LIN28A: variants seen among roughly 807,000 people sequenced by gnomAD.
The protein encoded by LIN28A is protein lin-28 homolog A.
In LIN28A, 11 loss-of-function variants were observed where a neutral mutation model predicts 21.1. The observed-to-expected ratio is 0.52, with a 90% CI of 0.33 to 0.86. The LOEUF (loss-of-function observed/expected upper bound fraction) is 0.86. LIN28A is among the 40% of genes least tolerant of loss of function. The probability of loss-of-function intolerance (pLI) is 0.03; values close to 1 mark genes in which losing one functional copy is unlikely to be tolerated. For synonymous variants in LIN28A, 111 were observed against 108.7 expected (o/e 1.02, Z -0.13); for missense variants, 219 against 279.8 (o/e 0.78, Z 1.55).
Position 26,426,592 on chromosome 1 carries a change from C to A in LIN28A, c.*134C>A. The A allele has an allele frequency of 1.5e-6, 1 of 680,510 alleles. No individual in the cohort carries two copies. Among genetic ancestry groups the A allele is most frequent in the Non-Finnish European group, 2.6e-6 (1 of 383,916 alleles). The allele number at this position is 680,510 out of a possible 1,614,324, so 42.2% of individuals were successfully genotyped here. ...TCTCAGGCTTGGGTTCACACCATCA[C>A]CCTTTCTTCCCTCTAGGTGGGGGGA... On this transcript the variant is annotated 3_prime_UTR_variant, in exon 4 of 4. Coordinates refer to ENST00000326279, the MANE Select transcript of LIN28A (RefSeq NM_024674.6).
chr1:26,423,590 G>A (rs1570316777), intron 2 of LIN28A, among the ~76,000 whole-genome samples: 1 of 148,652 alleles, frequency 6.7e-6, no homozygotes, highest in African/African-American at 2.5e-5. Context: ...TGTATTTTTA[G>A]TAGTAGAGAC....
At chr1:26,418,321 T>C (rs1026262134) in intron 2 of LIN28A, among the ~76,000 whole-genome samples, 1 of 151,510 alleles carries the variant, frequency 6.6e-6, no homozygotes, top group South Asian at 2.1e-4. Flanking sequence ...CCGAGGCGGG[T>C]AGATCATGAG....
intron 2 of LIN28A, among the ~76,000 whole-genome samples, chr1:26,414,932 A>AT: frequency 6.6e-6 from 1 of 152,236 alleles, no homozygotes; most frequent in East Asian, 1.9e-4. Flanking sequence ...ACTGTCAACT[A>AT]TTTTCCTGAG....
intron 2 of LIN28A, among the ~76,000 whole-genome samples, chr1:26,422,398 T>G (rs2075033157): frequency 6.6e-6 from 1 of 150,384 alleles, no homozygotes; most frequent in Non-Finnish European, 1.5e-5. Context: ...CATATGCAAA[T>G]TTTGTCAATT....
Position 26,426,620 on chromosome 1 carries a change from G to C in LIN28A, c.*162G>C. 2 of 634,694 alleles carry C rather than the reference G, an allele frequency of 3.2e-6. No individual in the cohort carries two copies. Among genetic ancestry groups the C allele is most frequent in the South Asian group, 3.9e-5 (2 of 51,896 alleles). The allele number at this position is 634,694 out of a possible 1,614,324, so 39.3% of individuals were successfully genotyped here. A position where few individuals can be genotyped will look rare whatever the true frequency, so the allele number is the denominator to read the frequency against. On this transcript the variant is annotated 3_prime_UTR_variant, in exon 4 of 4. Transcript: ENST00000326279. ...TTTCTTCCCTCTAGGTGGGGGGAAA[G>C]GGTGAGTCAAAGGAACTCCAACCAT...
At chr1:26,415,768 G>T (rs2074989568) in intron 2 of LIN28A, among the ~76,000 whole-genome samples, 2 of 152,106 alleles carry the variant, frequency 1.3e-5, no homozygotes, top group South Asian at 2.1e-4. Flanking sequence ...TCACCACTCG[G>T]AGCCCAGAGA....
intron 2 of LIN28A, among the ~76,000 whole-genome samples, chr1:26,414,615 T>C (rs17163904): frequency 0.37 from 56,803 of 152,016 alleles, 11,007 homozygotes; most frequent in African/African-American, 0.46. Context: ...TAGGTACACA[T>C]CTTTAGATCT....
chr1:26,420,678 T>C (rs2075023913), intron 2 of LIN28A, among the ~76,000 whole-genome samples: 1 of 151,798 alleles, frequency 6.6e-6, no homozygotes, highest in Non-Finnish European at 1.5e-5. Context: ...TTCATTTAAG[T>C]TCCAGTTTGG....
intron 2 of LIN28A, among the ~76,000 whole-genome samples, chr1:26,414,123 T>C (rs1476537264): frequency 6.6e-6 from 1 of 152,170 alleles, no homozygotes; most frequent in African/African-American, 2.4e-5. Context: ...GCCACCACTC[T>C]TCTGCATTTG....
Position 26,411,503 on chromosome 1 carries a change from G to A in LIN28A, c.149G>A (p.Arg50His), listed in dbSNP as rs772653651. Reference sequence around the variant, plus strand: ...GGCATCTGTAAGTGGTTCAACGTGCGCATGGGGTTCGGCTTCCTGTCCATG... The same window carrying A: ...GGCATCTGTAAGTGGTTCAACGTGCACATGGGGTTCGGCTTCCTGTCCATG... ...GAGICKWFNV[R>H]MGFGFLSMTA... Residue 50 changes from arginine to histidine, a missense_variant, in exon 2 of 4, where the codon CGC becomes CAC. Physicochemically the swap from Arg to His is conservative, Grantham distance 29 (BLOSUM62 0). Coordinates refer to ENST00000326279, the MANE Select transcript of LIN28A (RefSeq NM_024674.6). This position sits in a 1 kb window ranked among gnomAD's most constrained non-coding sequence, Gnocchi z 5.4. 1 of 1,613,972 alleles carries A rather than the reference G, an allele frequency of 6.2e-7. No individual in the cohort carries two copies. The highest frequency in any genetic ancestry group is 1.7e-5 in the Admixed American group (1 of 59,978).
intron 2 of LIN28A, among the ~76,000 whole-genome samples, chr1:26,424,554 A>G (rs750800694): frequency 6.6e-6 from 1 of 152,206 alleles, no homozygotes; most frequent in Non-Finnish European, 1.5e-5. Context: ...CACCATGCCC[A>G]GCTATTTTTA....
rs1244346975 is a variant in LIN28A, at chr1:26,426,486, G to A, written c.*28G>A. ...CACAATGGGTGGGGGCTATTCTTTT[G>A]CTATCAGGAAGTTTTGAGGAGCAGG... is the stretch of plus-strand genomic sequence containing the variant. On this transcript the variant is annotated 3_prime_UTR_variant, in exon 4 of 4. Coordinates refer to ENST00000326279, the MANE Select transcript of LIN28A (RefSeq NM_024674.6). 1 of 1,594,418 alleles carries A rather than the reference G, an allele frequency of 6.3e-7. No homozygotes were observed. Among genetic ancestry groups the A allele is most frequent in the Non-Finnish European group, 8.6e-7 (1 of 1,162,722 alleles).
At chr1:26,414,203 C>G (rs1007492034) in intron 2 of LIN28A, among the ~76,000 whole-genome samples, 3 of 150,048 alleles carry the variant, frequency 2.0e-5, no homozygotes, top group African/African-American at 7.3e-5. Context: ...AAATTGTTTA[C>G]TGGGGGAGGA....
At chr1:26,425,540 C>T in intron 3 of LIN28A, 53 bp downstream of exon 3, 1 of 1,518,394 alleles carries the variant, frequency 6.6e-7, no homozygotes, top group African/African-American at 1.4e-5. Context: ...CCCAGTCTCC[C>T]AATCCTGTCA....
intron 2 of LIN28A, among the ~76,000 whole-genome samples, chr1:26,414,331 A>G (rs2074981003): frequency 6.6e-6 from 1 of 152,148 alleles, no homozygotes; most frequent in African/African-American, 2.4e-5. Flanking sequence ...TTGTCCTAAG[A>G]TAGCATCTAC....
chr1:26,426,423 C>T lies in LIN28A; in HGVS notation c.595C>T (p.His199Tyr), dbSNP rs1466205736. 3 of 1,614,108 alleles carry T rather than the reference C, an allele frequency of 1.9e-6. No individual in the cohort carries two copies. Among genetic ancestry groups the T allele is most frequent in the East Asian group, 2.2e-5 (1 of 44,902 alleles). Reference protein sequence around the residue: ...TYFREEEEEIHSPTLLPEAQN With the variant: ...TYFREEEEEIYSPTLLPEAQN ...CTTTCGAGAGGAAGAAGAAGAAATC[C>T]ACAGCCCTACCCTGCTCCCGGAGGC... The change falls in exon 4 of 4, where the codon CAC becomes TAC. Residue 199 changes from histidine (H) to tyrosine (Y), a missense_variant. By Grantham distance (83) the His-to-Tyr change is moderately conservative. Around this residue, in one of 3 missense-constraint regions of LIN28A, gnomAD observed 45 missense variants for 37.7 expected, o/e 1.19. Coordinates refer to ENST00000326279, the MANE Select transcript of LIN28A (RefSeq NM_024674.6).
rs952613049 is a variant in LIN28A, at chr1:26,427,078, T to C, written c.*620T>C. 2 of 154,138 alleles carry C rather than the reference T, an allele frequency of 1.3e-5. No individual in the cohort carries two copies. The highest frequency in any genetic ancestry group is 4.8e-5 in the African/African-American group (2 of 41,476). The allele number at this position is 154,138 out of a possible 1,614,324, so 9.5% of individuals were successfully genotyped here. ...ATGTGATTTTATTTATTTGCTCCCTTGGATACTGCACCTTGGGTCCCACTT... is the reference window on the plus strand; with the variant it reads ...ATGTGATTTTATTTATTTGCTCCCTCGGATACTGCACCTTGGGTCCCACTT... On this transcript the variant is annotated 3_prime_UTR_variant, in exon 4 of 4. Transcript: ENST00000326279.
Position 26,426,353 on chromosome 1 carries a change from G to A in LIN28A, c.525G>A (p.Pro175=), listed in dbSNP as rs746068918. Residue 175 remains proline, a synonymous_variant, in exon 4 of 4, where the codon CCG becomes CCA. Coordinates refer to ENST00000326279, the MANE Select transcript of LIN28A (RefSeq NM_024674.6). ...QSISHMVASC[P]LKAQQGPSAQ... is the part of the protein sequence containing the mutation. ...TCAGCCATATGGTAGCCTCATGTCC[G>A]CTGAAGGCCCAGCAGGGCCCTAGTG... 1.3e-5 allele frequency: 21 copies of A among 1,614,024 alleles called. No individual in the cohort carries two copies. In the East Asian group the frequency reaches 1.8e-4, roughly 14 times the overall value.
At chr1:26,413,823 TGC>T (rs1483712579) in intron 2 of LIN28A, among the ~76,000 whole-genome samples, 2,199 of 136,646 alleles carry the variant, frequency 0.016, 55 homozygotes, top group African/African-American at 0.031. Context: ...GTTTGTTTGT[TGC>T]TTTTTTTTTT....
Sources: gnomAD v4.1 joint callset for allele counts (sites outside exome capture counted in the v4.1 genomes callset) on GRCh38, gnomAD v4.1.1 for gene constraint, gnomAD v4.1.1 regional missense constraint, Gnocchi (gnomAD v3.1) non-coding constraint, MANE v1.5 for transcripts, NCBI Gene and HGNC (gene_info 2026-07-23, HGNC 2026-07-21) for gene names.